INSL6: variants seen among roughly 807,000 people sequenced by gnomAD.
INSL6 encodes insulin like 6, also known as insulin-like peptide INSL6.
In INSL6, 16 loss-of-function variants were observed where a neutral mutation model predicts 9.4. That is an observed-to-expected ratio of 1.70 (90% confidence interval 1.15 to 2.59). INSL6 has a LOEUF of 2.59. Among genes scored for constraint, INSL6 ranks in the 30% most tolerant of loss-of-function variants. INSL6 has a pLI of 0.00. For missense variants in INSL6, 391 were observed against 257.3 expected (o/e 1.52, Z -3.56); for synonymous variants, 154 against 96.9 (o/e 1.59, Z -3.46).
chr9:5,141,991 G>C (rs1394504641), intron 2 of INSL6, among the ~76,000 whole-genome samples: 2 of 150,982 alleles, frequency 1.3e-5, no homozygotes, highest in Non-Finnish European at 3.0e-5. Context: ...GCCATTGCTT[G>C]TTTTTGTCAG....
the INSL6 span, among the ~76,000 whole-genome samples, chr9:5,092,530 C>T: frequency 6.6e-6 from 1 of 152,110 alleles, no homozygotes; most frequent in Non-Finnish European, 1.5e-5. Flanking sequence ...CGTAATCAAA[C>T]CATTTACCTT....
the INSL6 span, among the ~76,000 whole-genome samples, chr9:5,006,690 A>G: frequency 1.5e-4 from 23 of 152,316 alleles, no homozygotes; most frequent in African/African-American, 5.5e-4. Flanking sequence ...ATCTCATGCA[A>G]ACTCACTCAC....
At chr9:5,111,482 G>C in the INSL6 span, 1 of 376,788 alleles carries the variant, frequency 2.7e-6, no homozygotes, top group East Asian at 6.8e-5. Flanking sequence ...CTCAGGTGAG[G>C]AGTACGGTAG....
chr9:5,017,546 T>G, the INSL6 span, among the ~76,000 whole-genome samples: 1 of 152,208 alleles, frequency 6.6e-6, no homozygotes, highest in Non-Finnish European at 1.5e-5. Flanking sequence ...TTTGTTCTTC[T>G]TTTTCTAGTT....
At chr9:5,126,863 CTAT>C (rs1824034150) in intron 3 of INSL6, 3 of 820,740 alleles carry the variant, frequency 3.7e-6, no homozygotes, top group African/African-American at 1.8e-5. Context: ...TTGCTGTGGA[CTAT>C]TATTACATAT....
At chr9:5,142,210 T>C (rs1159447340) in intron 2 of INSL6, among the ~76,000 whole-genome samples, 1 of 152,158 alleles carries the variant, frequency 6.6e-6, no homozygotes, top group African/African-American at 2.4e-5. Context: ...TCTTTTTTGG[T>C]TCCATGTGAA....
the INSL6 span, among the ~76,000 whole-genome samples, chr9:5,006,329 T>C: frequency 1.3e-5 from 2 of 152,190 alleles, no homozygotes; most frequent in African/African-American, 4.8e-5. Flanking sequence ...GTGATTTTTG[T>C]ACATTGATTT....
chr9:5,128,006 G>A (rs1342277485), intron 3 of INSL6: 1 of 231,794 alleles, frequency 4.3e-6, no homozygotes, highest in Non-Finnish European at 8.5e-6. Flanking sequence ...AGTATAAGGG[G>A]TTGTTCGTTG....
chr9:5,069,477 C>T, the INSL6 span, among the ~76,000 whole-genome samples: 1 of 151,994 alleles, frequency 6.6e-6, no homozygotes, highest in South Asian at 2.1e-4. Context: ...GAAGATCTCA[C>T]TACTAAATTC....
At chr9:5,182,585 A>C (rs947825813) in intron 1 of INSL6, among the ~76,000 whole-genome samples, 5 of 152,144 alleles carry the variant, frequency 3.3e-5, no homozygotes, top group Non-Finnish European at 7.4e-5. Context: ...AATTTTGTTG[A>C]ACTAATATAT....
At chr9:5,180,540 T>C (rs1215517976) in intron 1 of INSL6, among the ~76,000 whole-genome samples, 1 of 152,180 alleles carries the variant, frequency 6.6e-6, no homozygotes, top group Non-Finnish European at 1.5e-5. Flanking sequence ...GGGAGGTCTA[T>C]AAACAGCCGC....
the INSL6 span, among the ~76,000 whole-genome samples, chr9:5,016,949 A>G: frequency 6.6e-6 from 1 of 152,246 alleles, no homozygotes; most frequent in East Asian, 1.9e-4. Context: ...GAAAAAAGAC[A>G]TGAATCTTTA....
At chr9:5,115,909 G>T in the INSL6 span, among the ~76,000 whole-genome samples, 14 of 152,128 alleles carry the variant, frequency 9.2e-5, no homozygotes, top group African/African-American at 3.4e-4. Flanking sequence ...GCCTGTTGTT[G>T]GGTGGAGGGC....
intron 1 of INSL6, among the ~76,000 whole-genome samples, chr9:5,171,192 T>C (rs2130912112): frequency 6.6e-6 from 1 of 152,198 alleles, no homozygotes; most frequent in East Asian, 1.9e-4. Context: ...ATATACAAAA[T>C]CAATAAATGT....
Position 5,185,340 on chromosome 9 carries a change from G to C in INSL6, c.263C>G (p.Pro88Arg), listed in dbSNP as rs754042711. 3.7e-6 allele frequency: 6 copies of C among 1,614,100 alleles called. No individual in the cohort carries two copies. Among genetic ancestry groups the C allele is most frequent in the Non-Finnish European group, 4.2e-6 (5 of 1,180,000 alleles). ...TGGGTTTGTGCCTCTTCCCCGGGCC[G>C]GGGAAGCGGTTTGCGGGCTTTCGAA... ...YQFESPQTAS[P>R]ARGRGTNPVS... The change falls in exon 1 of 2, where the codon CCG (proline) becomes CGG (arginine). Residue 88 changes from proline to arginine, a missense_variant. Transcript: ENST00000381641.
At chr9:5,053,368 G>T in the INSL6 span, among the ~76,000 whole-genome samples, 4 of 151,838 alleles carry the variant, frequency 2.6e-5, no homozygotes, top group South Asian at 8.3e-4. Context: ...TTATATTCTG[G>T]ATACAAGTCT....
chr9:5,048,472 G>C, the INSL6 span, among the ~76,000 whole-genome samples: 5 of 152,064 alleles, frequency 3.3e-5, no homozygotes, highest in Non-Finnish European at 4.4e-5. Context: ...ACCAAGGCAG[G>C]CTATTAAAAA....
At chr9:5,003,973 G>T in the INSL6 span, among the ~76,000 whole-genome samples, 98,016 of 151,886 alleles carry the variant, frequency 0.65, 33,502 homozygotes, top group African/African-American at 0.89. Flanking sequence ...TTCTCATTGT[G>T]CTAATAATGT....
chr9:5,177,981 T>C (rs1825351126), intron 1 of INSL6, among the ~76,000 whole-genome samples: 1 of 152,168 alleles, frequency 6.6e-6, no homozygotes, highest in African/African-American at 2.4e-5. Flanking sequence ...GTTCAAGCGA[T>C]TCTCCCGCCT....
Sources: allele counts gnomAD v4.1 joint callset (sites outside exome capture counted in the v4.1 genomes callset), GRCh38; gene constraint gnomAD v4.1.1; transcripts MANE v1.5; gene names NCBI Gene and HGNC (gene_info 2026-07-23, HGNC 2026-07-21).